The following CRB1 variants were observed in gnomAD, a reference collection of about 807,000 sequenced individuals.
CRB1 encodes the protein crumbs cell polarity complex component 1.
In CRB1, 83 loss-of-function variants were observed where a neutral mutation model predicts 120.0. The ratio of observed to expected loss-of-function variants is 0.69; its 90% CI spans 0.58 to 0.83. The LOEUF (loss-of-function observed/expected upper bound fraction) is 0.83. CRB1 is among the 40% of genes least tolerant of loss of function. CRB1 has a pLI of 0.00. For synonymous variants in CRB1, 625 were observed against 612.5 expected, an observed-to-expected ratio of 1.02 and a Z score of -0.30; for missense variants, 1,699 against 1,687.6, an observed-to-expected ratio of 1.01 and a Z score of -0.12.
intron 3 of CRB1, among the ~76,000 whole-genome samples, chr1:197,345,502 CTTTT>C (rs972072957): frequency 6.6e-5 from 6 of 90,594 alleles, no homozygotes; most frequent in Admixed American, 2.5e-4. Flanking sequence ...AAAATAATGA[CTTTT>C]TTTTTTTTTT....
intron 5 of CRB1, among the ~76,000 whole-genome samples, chr1:197,395,363 C>CA (rs1486319864): frequency 1.3e-5 from 2 of 151,868 alleles, no homozygotes; most frequent in African/African-American, 2.4e-5. Flanking sequence ...TACAAGGAAG[C>CA]AAAAAAACAA....
chr1:197,356,407 T>TAA (rs949333082), intron 4 of CRB1, among the ~76,000 whole-genome samples: 34 of 152,230 alleles, frequency 2.2e-4, no homozygotes, highest in African/African-American at 8.2e-4. Context: ...TGCTATGAAA[T>TAA]AAGGATTTAC....
At chr1:197,397,298 G>A (rs911908224) in intron 5 of CRB1, among the ~76,000 whole-genome samples, 4 of 152,008 alleles carry the variant, frequency 2.6e-5, no homozygotes, top group Admixed American at 2.6e-4. Context: ...GAGAGAGTAG[G>A]TTATATGTAA....
At chr1:197,360,125 GA>G (rs1209793994) in intron 5 of CRB1, among the ~76,000 whole-genome samples, 2 of 152,020 alleles carry the variant, frequency 1.3e-5, no homozygotes, top group Non-Finnish European at 2.9e-5. Flanking sequence ...TGTGGCCTTT[GA>G]AACCCCTACT....
chr1:197,264,479 G>C (rs1325567250), upstream of CRB1, among the ~76,000 whole-genome samples: 2 of 151,892 alleles, frequency 1.3e-5, no homozygotes, highest in African/African-American at 4.8e-5. Flanking sequence ...TTTTCTTTTG[G>C]GTAGCTACAC....
chr1:197,260,789 C>T, the CRB1 span, among the ~76,000 whole-genome samples: 1 of 152,016 alleles, frequency 6.6e-6, no homozygotes, highest in Non-Finnish European at 1.5e-5. Flanking sequence ...CTCCGCCTCC[C>T]AGGTTCAAGA....
intron 1 of CRB1, among the ~76,000 whole-genome samples, chr1:197,311,476 G>T (rs1373866871): frequency 2.6e-5 from 4 of 152,052 alleles, no homozygotes; most frequent in African/African-American, 9.7e-5. Flanking sequence ...GAATAATTTT[G>T]CTTTCCAAGA....
chr1:197,467,849 T>G (rs1021535935), intron 11 of CRB1, among the ~76,000 whole-genome samples: 1 of 152,224 alleles, frequency 6.6e-6, no homozygotes, highest in Non-Finnish European at 1.5e-5. Context: ...GTCATCAGCC[T>G]AGGAAAGGAC....
intron 3 of CRB1, among the ~76,000 whole-genome samples, chr1:197,345,981 G>C (rs955852515): frequency 3.3e-5 from 5 of 152,112 alleles, no homozygotes; most frequent in African/African-American, 1.2e-4. Context: ...GGTCACAATG[G>C]AAGTTTCCAC....
intron 1 of CRB1, among the ~76,000 whole-genome samples, chr1:197,322,534 T>C (rs1377840547): frequency 6.6e-6 from 1 of 151,868 alleles, no homozygotes; most frequent in Non-Finnish European, 1.5e-5. Flanking sequence ...TTATCTATAT[T>C]TGGTTAAATA....
chr1:197,277,418 A>G (rs1388039512), intron 1 of CRB1, among the ~76,000 whole-genome samples: 1 of 152,012 alleles, frequency 6.6e-6, no homozygotes, highest in Non-Finnish European at 1.5e-5. Context: ...TTACGGTTCA[A>G]TCTCAACACA....
chr1:197,443,300 G>A (rs186682483), intron 11 of CRB1: 1 of 151,666 alleles, frequency 6.6e-6, no homozygotes, highest in East Asian at 1.9e-4. Flanking sequence ...CAATTATCTA[G>A]TATCAGTACT....
chr1:197,398,420 T>C (rs1662884917), intron 5 of CRB1, among the ~76,000 whole-genome samples: 1 of 152,138 alleles, frequency 6.6e-6, no homozygotes, highest in Non-Finnish European at 1.5e-5. Flanking sequence ...GAAGATAAAT[T>C]TGAAAAAGGC....
intron 1 of CRB1, chr1:197,304,443 C>T: frequency 1.1e-6 from 1 of 904,090 alleles, no homozygotes. Context: ...CAGGTGTATT[C>T]TCACTTAACC....
At chr1:197,310,643 A>C (rs935500650) in intron 1 of CRB1, among the ~76,000 whole-genome samples, 4 of 152,190 alleles carry the variant, frequency 2.6e-5, no homozygotes, top group Admixed American at 2.6e-4. Flanking sequence ...CTATATCTAT[A>C]TAGATATAGA....
chr1:197,365,299 T>C (rs1661000135), intron 5 of CRB1, among the ~76,000 whole-genome samples: 1 of 152,166 alleles, frequency 6.6e-6, no homozygotes, highest in African/African-American at 2.4e-5. Context: ...CTTCTCCCTG[T>C]CTCTGGGGGT....
intron 5 of CRB1, among the ~76,000 whole-genome samples, chr1:197,389,978 A>T (rs1035270254): frequency 3.3e-5 from 5 of 152,070 alleles, no homozygotes; most frequent in Admixed American, 3.3e-4. Flanking sequence ...TGGTACATCA[A>T]ATGTGCAACT....
chr1:197,364,145 T>A (rs544330344), intron 5 of CRB1: 1 of 641,862 alleles, frequency 1.6e-6, no homozygotes. Flanking sequence ...GAAACCCTCA[T>A]CCAGTTTTGT....
At position 197,301,775 on chromosome 1, in the gene CRB1, C is replaced by T. The variant is rs114031109; in HGVS notation, c.71-26647C>T. Among the ~76,000 whole-genome samples the T allele has an allele frequency of 3.1e-3, 472 of 151,938 alleles. 1 individual carries two copies. Among genetic ancestry groups the T allele is most frequent in the African/African-American group, 0.011 (450 of 41,412 alleles). ...AACACCTCAATGGAGGAAGTAACTG[C>T]GGATGTGGTGGAAATAGCAGGAGAA... is the stretch of plus-strand genomic sequence containing the variant. On this transcript the variant is annotated intron_variant, in intron 1 of 11. Coordinates refer to ENST00000367400, the MANE Select transcript of CRB1 (RefSeq NM_201253.3).
Sources: allele counts gnomAD v4.1 joint callset (sites outside exome capture counted in the v4.1 genomes callset), GRCh38; gene constraint gnomAD v4.1.1; transcripts MANE v1.5; gene names NCBI Gene and HGNC (gene_info 2026-07-23, HGNC 2026-07-21).